MEP1B: variants seen among roughly 807,000 people sequenced by gnomAD.
MEP1B encodes the protein meprin A subunit beta, also known as N-benzoyl-L-tyrosyl-P-amino-benzoic acid hydrolase subunit beta.
MEP1B carries 80 observed loss-of-function variants against 84.6 expected under a neutral mutation model. The ratio of observed to expected loss-of-function variants is 0.95; its 90% CI spans 0.79 to 1.14. The LOEUF (loss-of-function observed/expected upper bound fraction) is 1.14, where lower values mean the gene tolerates loss of function less well. Among genes scored for constraint, MEP1B ranks in the 50% most tolerant of loss-of-function variants. MEP1B has a pLI of 0.00. For synonymous variants in MEP1B, 273 were observed against 288.1 expected, an observed-to-expected ratio of 0.95 and a Z score of 0.53; for missense variants, 766 against 855.1, an observed-to-expected ratio of 0.90 and a Z score of 1.30.
At chr18:32,204,779 T>C (rs1462752377) in intron 7 of MEP1B, among the ~76,000 whole-genome samples, 1 of 152,172 alleles carries the variant, frequency 6.6e-6, no homozygotes, top group Non-Finnish European at 1.5e-5. Flanking sequence ...GGTGGGCATT[T>C]GATGAGGGCC....
At chr18:32,193,342 C>A (rs2144375136) in intron 4 of MEP1B, among the ~76,000 whole-genome samples, 1 of 152,190 alleles carries the variant, frequency 6.6e-6, no homozygotes, top group East Asian at 1.9e-4. Context: ...AAGAACCTTG[C>A]AGGTAGATTA....
rs2040859406 is a variant in MEP1B, at chr18:32,196,715, G to A, written c.250+1230G>A. On this transcript the variant is annotated intron_variant, in intron 5 of 14. Transcript: ENST00000269202. The surrounding 1 kb of genome is among the most constrained non-coding windows in gnomAD (Gnocchi z 4.4). ...AGTGGGCGCCCTGCAGCAGGCTGAG[G>A]GCCAGGGACAGCTGCCTGCTGGTGA... The A allele has an allele frequency of 1.6e-6, 1 of 638,500 alleles. No individual in the cohort carries two copies. Among genetic ancestry groups the A allele is most frequent in the Non-Finnish European group, 2.9e-6 (1 of 350,804 alleles). 39.6% of individuals were successfully genotyped at this position (638,500 alleles called of 1,614,324 possible). A position where few individuals can be genotyped will look rare whatever the true frequency, so the allele number is the denominator to read the frequency against.
intron 5 of MEP1B, among the ~76,000 whole-genome samples, chr18:32,195,866 G>T (rs868225241): frequency 6.6e-6 from 1 of 152,168 alleles, no homozygotes; most frequent in South Asian, 2.1e-4. Flanking sequence ...CCAGGCCAGG[G>T]TCCCAGGAGG....
Position 32,217,056 on chromosome 18 carries a change from T to G in MEP1B, c.1825T>G (p.Ser609Ala). ...AGCCCCTAGTGTTCAAGACCTCTGC[T>G]CAAAAACCACCTGTAAAAATGACGG... Reference protein sequence around the residue: ...TPAPSVQDLCSKTTCKNDGVC... With the variant: ...TPAPSVQDLCAKTTCKNDGVC... Residue 609 changes from serine to alanine, a missense_variant, in exon 13 of 15, where the codon TCA becomes GCA. Physicochemically the swap from Ser to Ala is moderately conservative, Grantham distance 99. Transcript: ENST00000269202. 6.2e-7 allele frequency: 1 copy of G among 1,613,944 alleles called. No homozygotes were observed. The highest frequency in any genetic ancestry group is 8.5e-7 in the Non-Finnish European group (1 of 1,179,872).
rs9948293 is a variant in MEP1B, at chr18:32,210,495, T to C, written c.920-6T>C. Reference sequence around the variant, plus strand: ...TTTTTCTCTCAATTCTGCTTTTCTTTAACAGGTTCTGGTTTCTTCATGCAT... The same window carrying C: ...TTTTTCTCTCAATTCTGCTTTTCTTCAACAGGTTCTGGTTTCTTCATGCAT... On this transcript the variant is annotated splice_polypyrimidine_tract_variant and splice_region_variant and intron_variant, in intron 9 of 14. Coordinates refer to ENST00000269202, the MANE Select transcript of MEP1B (RefSeq NM_005925.3). 5.8e-3 allele frequency: 9,340 copies of C among 1,612,250 alleles called. 384 individuals carry two copies. In the African/African-American group the frequency reaches 0.098, roughly 17 times the overall value.
At chr18:32,204,134 TCA>T in intron 6 of MEP1B, 46 bp from the exon 7 acceptor site, 1 of 1,542,644 alleles carries the variant, frequency 6.5e-7, no homozygotes, top group Non-Finnish European at 8.8e-7. Context: ...CCCTGAGACC[TCA>T]GATTGTAACA....
chr18:32,192,108 T>C (rs1419453457), intron 2 of MEP1B, among the ~76,000 whole-genome samples: 1 of 152,104 alleles, frequency 6.6e-6, no homozygotes, highest in Non-Finnish European at 1.5e-5. Flanking sequence ...ATTGTTTTTG[T>C]TATTTTGTGT....
At chr18:32,195,263 T>TACACACACAC (rs3217505) in intron 4 of MEP1B, 144 bp from the exon 5 acceptor site, 27 of 496,742 alleles carry the variant, frequency 5.4e-5, no homozygotes, top group Non-Finnish European at 6.1e-5. Context: ...AAAGTAGGGC[T>TACACACACAC]ACACACACAC....
Position 32,217,784 on chromosome 18 carries a change from G to T in MEP1B, c.1910G>T (p.Trp637Leu). Reference sequence around the variant, plus strand: ...AGGTGCCAGTCAGGGGAAGACTGGTGGTACATGGGAGAAAGGTGTGAAAAG... The same window carrying T: ...AGGTGCCAGTCAGGGGAAGACTGGTTGTACATGGGAGAAAGGTGTGAAAAG... ...ECRCQSGEDW[W>L]YMGERCEKRG... is the part of the protein sequence containing the mutation. Residue 637 changes from tryptophan (W) to leucine (L), a missense_variant, in exon 14 of 15, where the codon TGG (tryptophan) becomes TTG (leucine). By Grantham distance (61) the Trp-to-Leu change is moderately conservative (BLOSUM62 -2). Coordinates refer to ENST00000269202, the MANE Select transcript of MEP1B (RefSeq NM_005925.3). 1.2e-6 allele frequency: 2 copies of T among 1,613,716 alleles called. No homozygotes were observed. Among genetic ancestry groups the T allele is most frequent in the Non-Finnish European group, 1.7e-6 (2 of 1,179,806 alleles).
chr18:32,213,505 C>T lies in MEP1B; in HGVS notation c.1525C>T (p.Arg509Ter), dbSNP rs199906761. Residue 509 changes from arginine to a stop codon, truncating the protein, a stop_gained, in exon 11 of 15, where the codon CGA becomes TGA. Transcript: ENST00000269202. LOFTEE classifies it high-confidence loss of function. ...MTLLDQNPDI[R>*]QRMSNQRSIT... ...ACTTTTGGATCAAAATCCTGACATT[C>T]GACAGCGTATGTCCAATCAGCGGAG... 1.4e-5 allele frequency: 23 copies of T among 1,613,754 alleles called. No homozygotes were observed. The highest frequency in any genetic ancestry group is 5.0e-5 in the Admixed American group (3 of 59,996).
At position 32,192,806 on chromosome 18, in the gene MEP1B, A is replaced by C; in HGVS notation, c.160A>C (p.Arg54=). Residue 54 remains arginine (R), a synonymous_variant, in exon 4 of 15, where the codon AGA becomes CGA. Coordinates refer to ENST00000269202, the MANE Select transcript of MEP1B (RefSeq NM_005925.3). The part of the protein sequence containing the change: ...LGLDLFEGDI[R]LDRAQIRNSI... ...ACTGGATCTTTTTGAGGGTGACATC[A>C]GACTTGATAGGGTGAGTTGAAACAG... 1.2e-6 allele frequency: 2 copies of C among 1,612,456 alleles called. No homozygotes were observed. Among genetic ancestry groups the C allele is most frequent in the Non-Finnish European group, 1.7e-6 (2 of 1,179,028 alleles).
chr18:32,214,581 GCTT>G (rs1182361651), intron 11 of MEP1B, among the ~76,000 whole-genome samples: 3 of 152,284 alleles, frequency 2.0e-5, no homozygotes, highest in South Asian at 4.1e-4. Context: ...CAGAAGCAGT[GCTT>G]CTTGTTGTCT....
At chr18:32,203,052 T>A in intron 6 of MEP1B, 42 bp downstream of exon 6, 1 of 1,164,594 alleles carries the variant, frequency 8.6e-7, no homozygotes, top group Non-Finnish European at 1.3e-6. Flanking sequence ...TAAGGAGAAC[T>A]CTAGTGCCTG....
At chr18:32,195,993 C>A in intron 5 of MEP1B, 1 of 341,256 alleles carries the variant, frequency 2.9e-6, no homozygotes, top group Non-Finnish European at 5.6e-6. Context: ...AGTGAGGCCA[C>A]TGACTGACTG....
At chr18:32,195,263 T>C (rs1480287156) in intron 4 of MEP1B, 144 bp from the exon 5 acceptor site, 8 of 496,742 alleles carry the variant, frequency 1.6e-5, no homozygotes, top group Non-Finnish European at 2.9e-5. Flanking sequence ...AAAGTAGGGC[T>C]ACACACACAC....
At chr18:32,216,733 T>G (rs1392667059) in intron 12 of MEP1B, among the ~76,000 whole-genome samples, 1 of 152,090 alleles carries the variant, frequency 6.6e-6, no homozygotes, top group East Asian at 1.9e-4. Flanking sequence ...CTGATCATTG[T>G]CTATTCTGAA....
intron 8 of MEP1B, 126 bp downstream of exon 8, chr18:32,207,596 A>G: frequency 1.5e-6 from 1 of 666,996 alleles, no homozygotes; most frequent in Non-Finnish European, 2.6e-6. Flanking sequence ...TATTCAGGAA[A>G]TAAACAGAAT....
chr18:32,210,434 C>A, intron 9 of MEP1B, 67 bp from the exon 10 acceptor site: 2 of 1,335,118 alleles, frequency 1.5e-6, no homozygotes, highest in Non-Finnish European at 2.1e-6. Context: ...TCTAGCACCA[C>A]CATTAACAAA....
rs149969358 is a variant in MEP1B, at chr18:32,217,202, T to A, written c.1886+85T>A. On this transcript the variant is annotated intron_variant, in intron 13 of 14. Transcript: ENST00000269202. ...GTAGGATTAATTACTTAATAGTTCT[T>A]ATGAATGAAATCAGTTGATTCTCAT... 7.3e-5 allele frequency: 105 copies of A among 1,439,686 alleles called. 1 individual carries two copies. In the East Asian group the frequency reaches 2.4e-3, roughly 33 times the overall value. The allele number at this position is 1,439,686 out of a possible 1,614,324, so 89.2% of individuals were successfully genotyped here. A position where few individuals can be genotyped will look rare whatever the true frequency, so the allele number is the denominator to read the frequency against.
Sources: gnomAD v4.1 joint callset for allele counts (sites outside exome capture counted in the v4.1 genomes callset) on GRCh38, gnomAD v4.1.1 for gene constraint, Gnocchi (gnomAD v3.1) non-coding constraint, MANE v1.5 for transcripts, NCBI Gene and HGNC (gene_info 2026-07-23, HGNC 2026-07-21) for gene names.